DGKG: variants seen among roughly 807,000 people sequenced by gnomAD.
The protein encoded by DGKG is diacylglycerol kinase gamma, also known as DAG kinase gamma.
In DGKG, 78 loss-of-function variants were observed where a neutral mutation model predicts 105.3. The observed-to-expected ratio is 0.74, with a 90% CI of 0.62 to 0.89. The LOEUF (loss-of-function observed/expected upper bound fraction) is 0.89. Ranked by LOEUF, DGKG falls within the 40% of genes least tolerant of loss-of-function variation. The pLI is 0.00. For synonymous variants in DGKG, 346 were observed against 367.1 expected (o/e 0.94, Z 0.66); for missense variants, 958 against 1,020.1 (o/e 0.94, Z 0.83).
intron 1 of DGKG, among the ~76,000 whole-genome samples, chr3:186,352,019 C>G (rs1262964660): frequency 6.6e-6 from 1 of 152,140 alleles, no homozygotes; most frequent in African/African-American, 2.4e-5. Flanking sequence ...GCTTTGACCC[C>G]AGACCAATTA....
chr3:186,221,877 G>A (rs1300440646), intron 20 of DGKG, among the ~76,000 whole-genome samples: 1 of 152,194 alleles, frequency 6.6e-6, no homozygotes, highest in African/African-American at 2.4e-5. Context: ...CCGCCGGGTG[G>A]GTCCTGAGGG....
rs1481489149 is a variant in DGKG, at chr3:186,210,329, G to A, written c.1917+1466C>T. 3.9e-5 allele frequency among the ~76,000 whole-genome samples: 6 copies of A among 152,196 alleles called. No homozygotes were observed. Among genetic ancestry groups the A allele is most frequent in the East Asian group, 1.9e-4 (1 of 5,182 alleles). On this transcript the variant is annotated intron_variant, in intron 21 of 24. Transcript: ENST00000265022. This position sits in a 1 kb window ranked among gnomAD's most constrained non-coding sequence, Gnocchi z 5.2. ...ACACATATCCCTGTTAGCCACACTC[G>A]GTTCCCCTGCCAAGGCCTCTCCTCC...
chr3:186,212,577 A>T (rs1719085574), intron 20 of DGKG, among the ~76,000 whole-genome samples: 1 of 152,154 alleles, frequency 6.6e-6, no homozygotes, highest in Non-Finnish European at 1.5e-5. Flanking sequence ...AGAGTTCACT[A>T]CTTTGAGCTT....
At chr3:186,317,250 C>T (rs1031568053) in intron 2 of DGKG, among the ~76,000 whole-genome samples, 4 of 152,226 alleles carry the variant, frequency 2.6e-5, no homozygotes, top group Non-Finnish European at 5.9e-5. Context: ...CTGCTGAATC[C>T]TGATAGAGGC....
rs1715576745 is a variant in DGKG, at chr3:186,147,915, G to A, written c.*2175C>T. 1 of 985,300 alleles carries A rather than the reference G, an allele frequency of 1.0e-6. No individual in the cohort carries two copies. Among genetic ancestry groups the A allele is most frequent in the Admixed American group, 6.1e-5 (1 of 16,276 alleles). The allele number at this position is 985,300 out of a possible 1,614,324, so 61.0% of individuals were successfully genotyped here. A position where few individuals can be genotyped will look rare whatever the true frequency, so the allele number is the denominator to read the frequency against. ...ATACCATCATTAAAGATATTCTTCA[G>A]GTGGCCTGGTTTTCCCCTTACTTAG... On this transcript the variant is annotated 3_prime_UTR_variant, in exon 25 of 25. Coordinates refer to ENST00000265022, the MANE Select transcript of DGKG (RefSeq NM_001346.3).
Position 186,150,135 on chromosome 3 carries a change from C to G in DGKG, c.2331G>C (p.Lys777Asn). 8 of 1,613,724 alleles carry G rather than the reference C, an allele frequency of 5.0e-6. No individual in the cohort carries two copies. The highest frequency in any genetic ancestry group is 6.8e-6 in the Non-Finnish European group (8 of 1,179,854). The change falls in exon 25 of 25, where the codon AAG (lysine) becomes AAC (asparagine). Residue 777 changes from lysine (K) to asparagine (N), a missense_variant. By Grantham distance (94) the Lys-to-Asn change is moderately conservative (BLOSUM62 0). Around this residue, in one of 2 missense-constraint regions of DGKG, gnomAD observed 315 missense variants for 400.6 expected, o/e 0.79. Coordinates refer to ENST00000265022, the MANE Select transcript of DGKG (RefSeq NM_001346.3). ...TCCTTCTCAACGAGAAGAAGCTGCT[C>G]TTCTGGGGAGGCCCCATCATCATGG... ...QAPMMMGPPQ[K>N]SSFFSLRRKS...
At chr3:186,242,458 A>C (rs1720733998) in intron 20 of DGKG, 46 bp downstream of exon 20, 2 of 1,532,636 alleles carry the variant, frequency 1.3e-6, no homozygotes, top group Middle Eastern at 1.8e-4. Flanking sequence ...CTGTTCCGCC[A>C]GGGCCACACT....
intron 1 of DGKG, among the ~76,000 whole-genome samples, chr3:186,338,332 G>A (rs543410649): frequency 2.0e-5 from 3 of 152,174 alleles, no homozygotes; most frequent in South Asian, 2.1e-4. Context: ...TTTTATTCAC[G>A]GATAGGAAGG....
chr3:186,175,113 C>T (rs1717012043), intron 22 of DGKG, among the ~76,000 whole-genome samples: 3 of 152,170 alleles, frequency 2.0e-5, no homozygotes, highest in Admixed American at 2.0e-4. Context: ...AAAATCATTT[C>T]CCTCCTCAGG....
intron 2 of DGKG, among the ~76,000 whole-genome samples, chr3:186,316,774 G>C (rs1027382141): frequency 2.0e-5 from 3 of 152,306 alleles, no homozygotes; most frequent in African/African-American, 7.2e-5. Context: ...AACCCCACTG[G>C]AGAAAGTTCT....
chr3:186,154,901 C>T (rs1459814300), intron 24 of DGKG, among the ~76,000 whole-genome samples: 1 of 152,096 alleles, frequency 6.6e-6, no homozygotes, highest in Non-Finnish European at 1.5e-5. Flanking sequence ...ATCTGTGTTT[C>T]AGAACCCCTG....
intron 7 of DGKG, 64 bp from the exon 8 acceptor site, chr3:186,280,808 G>A (rs566135365): frequency 1.7e-5 from 25 of 1,441,392 alleles, no homozygotes; most frequent in Admixed American, 3.4e-5. Flanking sequence ...ATTAAGAGCC[G>A]AACTCAAAAT....
intron 20 of DGKG, among the ~76,000 whole-genome samples, chr3:186,241,713 A>T (rs1482558732): frequency 6.6e-6 from 1 of 152,196 alleles, no homozygotes; most frequent in Admixed American, 6.5e-5. Flanking sequence ...GGTCATCTTG[A>T]AATAGTACAA....
intron 24 of DGKG, chr3:186,158,217 GA>G: frequency 1.4e-6 from 1 of 707,404 alleles, no homozygotes; most frequent in Non-Finnish European, 1.7e-6. Flanking sequence ...CTTCTCCTAA[GA>G]TTGTTTTATT....
In DGKG at chr3:186,229,027, C is replaced by T. The variant is rs543154941; in HGVS notation, c.1826+13477G>A. 3.1e-4 allele frequency among the ~76,000 whole-genome samples: 47 copies of T among 152,212 alleles called. 1 individual carries two copies. The South Asian group carries it at 5.8e-3, about 19-fold the overall frequency. The stretch of plus-strand genomic sequence containing the variant: ...AGGGTGGGTCCAATCCAGTGACTGA[C>T]GTCCTTATAAGAAGAAGGAGATTTG... On this transcript the variant is annotated intron_variant, in intron 20 of 24. Coordinates refer to ENST00000265022, the MANE Select transcript of DGKG (RefSeq NM_001346.3).
At chr3:186,296,988 C>T (rs1049685959) in intron 5 of DGKG, among the ~76,000 whole-genome samples, 1 of 151,912 alleles carries the variant, frequency 6.6e-6, no homozygotes, top group Non-Finnish European at 1.5e-5. Context: ...CTGTTCCTCT[C>T]CAGACATCCA....
chr3:186,184,046 G>A (rs1717494717), intron 22 of DGKG, among the ~76,000 whole-genome samples: 1 of 151,980 alleles, frequency 6.6e-6, no homozygotes, highest in Admixed American at 6.6e-5. Flanking sequence ...GGATAGTAAT[G>A]CTTAGGACAA....
intron 20 of DGKG, among the ~76,000 whole-genome samples, chr3:186,221,228 A>G (rs1186749968): frequency 6.6e-6 from 1 of 152,212 alleles, no homozygotes; most frequent in African/African-American, 2.4e-5. Flanking sequence ...GGGGCAGGCA[A>G]GGCCAGGACC....
intron 10 of DGKG, 53 bp downstream of exon 10, chr3:186,275,494 T>A (rs1173539994): frequency 6.9e-7 from 1 of 1,459,606 alleles, no homozygotes; most frequent in Non-Finnish European, 9.6e-7. Flanking sequence ...CAACCAACCA[T>A]GCGCAGAGCA....
Sources: allele counts gnomAD v4.1 joint callset (sites outside exome capture counted in the v4.1 genomes callset), GRCh38; gene constraint gnomAD v4.1.1; regional missense constraint gnomAD v4.1.1; non-coding constraint Gnocchi (gnomAD v3.1); transcripts MANE v1.5; gene names NCBI Gene and HGNC (gene_info 2026-07-23, HGNC 2026-07-21).